Variants in PDS5B observed in about 807,000 individuals in gnomAD.
The protein encoded by PDS5B is sister chromatid cohesion protein PDS5 homolog B.
Under a neutral mutation model 184.1 loss-of-function variants are expected in PDS5B, and 51 were observed. The ratio of observed to expected loss-of-function variants is 0.28; its 90% CI spans 0.22 to 0.35. The LOEUF is 0.35. Ranked by LOEUF, PDS5B falls within the 10% of genes least tolerant of loss-of-function variation. The pLI, the probability that PDS5B is intolerant of heterozygous loss-of-function variation, is 1.00. For synonymous variants in PDS5B, 566 were observed against 569.2 expected (o/e 0.99, Z 0.08); for missense variants, 1,180 against 1,723.3 (o/e 0.68, Z 5.58).
chr13:32,622,015 C>T (rs1414447271), intron 1 of PDS5B, among the ~76,000 whole-genome samples: 1 of 151,854 alleles, frequency 6.6e-6, no homozygotes, highest in East Asian at 1.9e-4. Flanking sequence ...TAATGTTAAT[C>T]TCTTTTTTTC....
chr13:32,676,006 G>A, intron 9 of PDS5B, 47 bp downstream of exon 9: 1 of 1,053,240 alleles, frequency 9.5e-7, no homozygotes, highest in East Asian at 2.4e-5. Flanking sequence ...TTATTCTACT[G>A]ACCGTTTTTT....
At chr13:32,763,150 G>C (rs910538021) in intron 30 of PDS5B, among the ~76,000 whole-genome samples, 2 of 152,088 alleles carry the variant, frequency 1.3e-5, no homozygotes, top group African/African-American at 2.4e-5. Flanking sequence ...GTAGGAATGA[G>C]GGAAAAATTA....
At chr13:32,753,927 A>C (rs73456798) in intron 25 of PDS5B, among the ~76,000 whole-genome samples, 1 of 152,098 alleles carries the variant, frequency 6.6e-6, no homozygotes, top group African/African-American at 2.4e-5. Context: ...TTGCGTGCCT[A>C]CTTTTCATCT....
chr13:32,739,435 T>C (rs570120778), intron 21 of PDS5B, among the ~76,000 whole-genome samples: 1 of 152,234 alleles, frequency 6.6e-6, no homozygotes, highest in Admixed American at 6.5e-5. Context: ...AATAAAGTTT[T>C]TAAGATTATG....
rs751975727 is a variant in PDS5B at position 32,770,149 on chromosome 13, A to G, written c.3653A>G (p.Lys1218Arg). The change falls in exon 32 of 35, where the codon AAA becomes AGA. Residue 1218 changes from lysine to arginine, a missense_variant. Physicochemically the swap from Lys to Arg is conservative, Grantham distance 26 (BLOSUM62 2). This residue lies in a region of PDS5B where 465 missense variants were observed against 497.8 expected (regional missense o/e 0.93). Coordinates refer to ENST00000315596, the MANE Select transcript of PDS5B (RefSeq NM_015032.4). Reference sequence around the variant, plus strand: ...GAATTGGAGAAGCCTAGAGGCAGGAAAAAAACGCCCGTCACAGAACAGGAG... The same window carrying G: ...GAATTGGAGAAGCCTAGAGGCAGGAGAAAAACGCCCGTCACAGAACAGGAG... ...RSELEKPRGR[K>R]KTPVTEQEEK... is the part of the protein sequence containing the mutation. 2.5e-6 allele frequency: 4 copies of G among 1,613,318 alleles called. No individual in the cohort carries two copies. The highest frequency in any genetic ancestry group is 3.4e-6 in the Non-Finnish European group (4 of 1,179,734).
chr13:32,587,431 T>G (rs1050388589), intron 1 of PDS5B, among the ~76,000 whole-genome samples: 1 of 152,232 alleles, frequency 6.6e-6, no homozygotes, highest in African/African-American at 2.4e-5. Context: ...GACTCGTTAT[T>G]GTTTTTACAC....
Position 32,614,816 on chromosome 13 carries a change from G to A in PDS5B, c.-20+28223G>A, listed in dbSNP as rs186482990. On this transcript the variant is annotated intron_variant, in intron 1 of 34. Coordinates refer to ENST00000315596, the MANE Select transcript of PDS5B (RefSeq NM_015032.4). ...CTCCAAATGTCAGGTTCTTTCCACT[G>A]TACCTACTCATGTGACTGATTTTCT... Among the ~76,000 whole-genome samples the A allele has an allele frequency of 7.6e-4, 115 of 152,244 alleles. 1 individual carries two copies. The highest frequency in any genetic ancestry group is 2.5e-3 in the African/African-American group (105 of 41,520).
chr13:32,588,295 T>C (rs917346856), intron 1 of PDS5B, among the ~76,000 whole-genome samples: 15 of 152,250 alleles, frequency 9.9e-5, no homozygotes, highest in Admixed American at 2.0e-4. Flanking sequence ...TGGGAACTTT[T>C]ATGTGAAGAT....
chr13:32,767,293 G>A (rs1253438216), intron 31 of PDS5B, among the ~76,000 whole-genome samples: 1 of 152,108 alleles, frequency 6.6e-6, no homozygotes, highest in Non-Finnish European at 1.5e-5. Flanking sequence ...TAAATCAGTA[G>A]TCAATGCCAT....
intron 10 of PDS5B, 98 bp from the exon 11 acceptor site, chr13:32,683,780 T>C (rs1331246197): frequency 2.8e-6 from 2 of 716,858 alleles, no homozygotes; most frequent in Admixed American, 2.9e-5. Context: ...TCTATGTAGG[T>C]ATTGTTTTGC....
At chr13:32,696,439 A>G (rs1951705622) in intron 14 of PDS5B, among the ~76,000 whole-genome samples, 1 of 152,066 alleles carries the variant, frequency 6.6e-6, no homozygotes, top group Admixed American at 6.6e-5. Flanking sequence ...TTTACGTGTC[A>G]GTCACATCTT....
In PDS5B at chr13:32,659,268, A is replaced by G. The variant is rs1950586819; in HGVS notation, c.612A>G (p.Val204=). 1 of 1,587,072 alleles carries G rather than the reference A, an allele frequency of 6.3e-7. No homozygotes were observed. The highest frequency in any genetic ancestry group is 8.6e-7 in the Non-Finnish European group (1 of 1,162,772). ...ELLDTVLVNL[V]PAHKNLNKQA... ...TGGATACGGTTTTAGTAAATCTGGT[A>G]CCTGCTCATAAGGTGAGTAGCAATG... The change falls in exon 6 of 35, where the codon GTA becomes GTG. Residue 204 remains valine, a synonymous_variant. Transcript: ENST00000315596.
At chr13:32,587,791 C>T (rs1045515240) in intron 1 of PDS5B, among the ~76,000 whole-genome samples, 1 of 152,200 alleles carries the variant, frequency 6.6e-6, no homozygotes, top group African/African-American at 2.4e-5. Context: ...GATGGATGGG[C>T]AGTGGTGCCC....
chr13:32,731,009 A>T (rs563872681), intron 19 of PDS5B, among the ~76,000 whole-genome samples: 17 of 152,178 alleles, frequency 1.1e-4, no homozygotes, highest in Non-Finnish European at 1.9e-4. Context: ...GAGAGAGGGC[A>T]TCCTTGTCTT....
intron 9 of PDS5B, among the ~76,000 whole-genome samples, chr13:32,676,587 A>G (rs1951069202): frequency 1.3e-5 from 2 of 152,004 alleles, no homozygotes; most frequent in African/African-American, 4.8e-5. Context: ...AAAAAAGAGA[A>G]TTTTTCCCCT....
rs762517396 is a variant in PDS5B at position 32,659,288 on chromosome 13, G to A, written c.624+8G>A. 1.9e-6 allele frequency: 3 copies of A among 1,574,634 alleles called. No individual in the cohort carries two copies. The highest frequency in any genetic ancestry group is 2.6e-6 in the Non-Finnish European group (3 of 1,154,252). On this transcript the variant is annotated splice_region_variant and intron_variant, in intron 6 of 34. Coordinates refer to ENST00000315596, the MANE Select transcript of PDS5B (RefSeq NM_015032.4). ...CTGGTACCTGCTCATAAGGTGAGTA[G>A]CAATGTATACTGTAATGTGTCTAAT... is the stretch of plus-strand genomic sequence containing the variant.
intron 1 of PDS5B, among the ~76,000 whole-genome samples, chr13:32,607,573 A>C (rs557078488): frequency 6.6e-6 from 1 of 151,996 alleles, no homozygotes; most frequent in African/African-American, 2.4e-5. Flanking sequence ...GAGAACCACT[A>C]CTCTCTTCAA....
chr13:32,721,488 G>A (rs536366862), intron 19 of PDS5B, among the ~76,000 whole-genome samples: 133 of 151,596 alleles, frequency 8.8e-4, no homozygotes, highest in African/African-American at 3.2e-3. Context: ...TCCAGACGGG[G>A]TCGTGGCCGG....
chr13:32,607,685 T>C (rs1316352024), intron 1 of PDS5B, among the ~76,000 whole-genome samples: 3 of 133,386 alleles, frequency 2.2e-5, no homozygotes, highest in Non-Finnish European at 5.2e-5. Context: ...AGGCCTCCTT[T>C]AGCTGGGGTG....
Sources: allele counts gnomAD v4.1 joint callset (sites outside exome capture counted in the v4.1 genomes callset), GRCh38; gene constraint gnomAD v4.1.1; regional missense constraint gnomAD v4.1.1; transcripts MANE v1.5; gene names NCBI Gene and HGNC (gene_info 2026-07-23, HGNC 2026-07-21).